The following PLPP3 variants were observed in gnomAD, a reference collection of about 807,000 sequenced individuals.
PLPP3 encodes the protein phospholipid phosphatase 3, also known as PAP2 beta.
PLPP3 carries 6 observed loss-of-function variants against 29.6 expected under a neutral mutation model. The observed-to-expected ratio is 0.20, with a 90% CI of 0.11 to 0.40. PLPP3 has a LOEUF of 0.40. PLPP3 is among the 10% of genes least tolerant of loss of function. PLPP3 has a pLI of 1.00. For synonymous variants in PLPP3, 152 were observed against 159.7 expected (o/e 0.95, Z 0.36); for missense variants, 308 against 407.7 (o/e 0.76, Z 2.11).
chr1:56,577,794 C>T (rs1199025450), intron 1 of PLPP3, among the ~76,000 whole-genome samples: 1 of 152,126 alleles, frequency 6.6e-6, no homozygotes, highest in African/African-American at 2.4e-5. Flanking sequence ...GCATCTACTT[C>T]AACCCACTCA....
intron 4 of PLPP3, among the ~76,000 whole-genome samples, chr1:56,515,057 G>C (rs1645771445): frequency 6.6e-6 from 1 of 152,110 alleles, no homozygotes; most frequent in African/African-American, 2.4e-5. Flanking sequence ...AGCTATTCTT[G>C]GCAGTGGACA....
At chr1:56,536,467 G>A (rs975435957) in intron 2 of PLPP3, among the ~76,000 whole-genome samples, 6 of 152,078 alleles carry the variant, frequency 3.9e-5, no homozygotes, top group African/African-American at 7.2e-5. Context: ...CCTGGTTTAC[G>A]ATGTTATTAA....
chr1:56,579,463 T>G lies in PLPP3; in HGVS notation c.-447A>C. The G allele has an allele frequency of 5.7e-6, 1 of 176,274 alleles. No homozygotes were observed. The highest frequency in any genetic ancestry group is 1.2e-5 in the Non-Finnish European group (1 of 84,714). The allele number at this position is 176,274 out of a possible 1,614,324, so 10.9% of individuals were successfully genotyped here. A position where few individuals can be genotyped will look rare whatever the true frequency, so the allele number is the denominator to read the frequency against. ...CGGAGCGCCAGCCCCAACTCTAACT[T>G]TGCCTCCTCCTCCTCCTCCTCCTCC... On this transcript the variant is annotated 5_prime_UTR_variant, in exon 1 of 6. Coordinates refer to ENST00000371250, the MANE Select transcript of PLPP3 (RefSeq NM_003713.5).
At chr1:56,543,728 T>C (rs1315416907) in intron 1 of PLPP3, among the ~76,000 whole-genome samples, 1 of 152,202 alleles carries the variant, frequency 6.6e-6, no homozygotes, top group East Asian at 1.9e-4. Context: ...CAGGCTGCCA[T>C]GAAAAACACT....
At chr1:56,538,674 T>C in intron 1 of PLPP3, 1 of 271,950 alleles carries the variant, frequency 3.7e-6, no homozygotes, top group Middle Eastern at 4.6e-4. Flanking sequence ...CCGTTGGTAC[T>C]GTTGTAAACA....
chr1:56,570,930 G>A (rs551834137), intron 1 of PLPP3, among the ~76,000 whole-genome samples: 31 of 152,226 alleles, frequency 2.0e-4, no homozygotes, highest in African/African-American at 7.2e-4. Context: ...TCAAAACACT[G>A]CCTAGTCCTT....
At chr1:56,554,260 G>C (rs1159710066) in intron 1 of PLPP3, among the ~76,000 whole-genome samples, 1 of 152,002 alleles carries the variant, frequency 6.6e-6, no homozygotes, top group African/African-American at 2.4e-5. Flanking sequence ...ATCTTGACGG[G>C]TTACTGTGAA....
chr1:56,557,087 A>C (rs1156293840), intron 1 of PLPP3, among the ~76,000 whole-genome samples: 3 of 139,064 alleles, frequency 2.2e-5, no homozygotes, highest in African/African-American at 7.9e-5. Context: ...AAAATGAGAG[A>C]GAGAGAAAGA....
intron 1 of PLPP3, among the ~76,000 whole-genome samples, chr1:56,539,421 C>T (rs1201326563): frequency 6.6e-6 from 1 of 152,190 alleles, no homozygotes; most frequent in Non-Finnish European, 1.5e-5. Flanking sequence ...TGTGCATACA[C>T]ACATGGATTT....
intron 1 of PLPP3, among the ~76,000 whole-genome samples, chr1:56,552,075 A>G (rs1451191226): frequency 6.6e-6 from 1 of 152,154 alleles, no homozygotes; most frequent in African/African-American, 2.4e-5. Context: ...CCATATTCCT[A>G]TGCACACTGG....
intron 1 of PLPP3, among the ~76,000 whole-genome samples, chr1:56,572,260 G>C (rs1438169158): frequency 6.6e-6 from 1 of 151,880 alleles, no homozygotes; most frequent in Non-Finnish European, 1.5e-5. Context: ...ATGTTGACCA[G>C]GCTAGTCTCG....
chr1:56,510,877 G>A (rs1235027183), intron 5 of PLPP3, among the ~76,000 whole-genome samples: 1 of 152,112 alleles, frequency 6.6e-6, no homozygotes, highest in South Asian at 2.1e-4. Flanking sequence ...GACACCCATC[G>A]ACAATTTCAA....
intron 1 of PLPP3, 64 bp downstream of exon 1, chr1:56,578,814 G>C: frequency 6.9e-6 from 10 of 1,455,936 alleles, no homozygotes; most frequent in Non-Finnish European, 9.0e-6. Context: ...GCCCCGGACT[G>C]GGCTGGGACG....
In PLPP3 at chr1:56,524,671, A is replaced by G; in HGVS notation, c.298-117T>C. On this transcript the variant is annotated intron_variant, in intron 2 of 5. Transcript: ENST00000371250. This position sits in a 1 kb window ranked among gnomAD's most constrained non-coding sequence, Gnocchi z 4.3. ...TCAGTATTTGCAAAGGAGTGTCCTA[A>G]TTTTCTATTTATGAAATATACAGAC... The G allele has an allele frequency of 8.6e-7, 1 of 1,167,520 alleles. No individual in the cohort carries two copies. Among genetic ancestry groups the G allele is most frequent in the Non-Finnish European group, 1.2e-6 (1 of 833,240 alleles). 72.3% of individuals were successfully genotyped at this position (1,167,520 alleles called of 1,614,324 possible).
In PLPP3 at chr1:56,503,083, G is replaced by GT. The variant is rs374851821; in HGVS notation, c.811-6408dup. On this transcript the variant is annotated intron_variant, in intron 5 of 5. Coordinates refer to ENST00000371250, the MANE Select transcript of PLPP3 (RefSeq NM_003713.5). ...TAAAGAAAAGCCATCTTTGGCAGCC[G>GT]TTTTTTTTTTAACTAGATGGGATTA... Among the ~76,000 whole-genome samples the GT allele has an allele frequency of 8.4e-3, 1,262 of 149,778 alleles. 15 individuals are homozygous for GT. The highest frequency in any genetic ancestry group is 0.026 in the African/African-American group (1,070 of 40,704).
intron 5 of PLPP3, among the ~76,000 whole-genome samples, chr1:56,503,155 G>A (rs1053431537): frequency 6.6e-6 from 1 of 151,952 alleles, no homozygotes; most frequent in African/African-American, 2.4e-5. Context: ...GGCTTTCAGC[G>A]GCTTTTGGCA....
At position 56,557,061 on chromosome 1, in the gene PLPP3, A is replaced by G. The variant is rs1444690026; in HGVS notation, c.140-19949T>C. Among the ~76,000 whole-genome samples the G allele has an allele frequency of 6.6e-4, 78 of 118,338 alleles. 7 individuals are homozygous for G. The highest frequency in any genetic ancestry group is 4.2e-3 in the Middle Eastern group (1 of 238). 77.6% of individuals were successfully genotyped at this position (118,338 alleles called of 152,430 possible). On this transcript the variant is annotated intron_variant, in intron 1 of 5. Transcript: ENST00000371250. Reference sequence around the variant, plus strand: ...GAGAGAGAGAGAGAGAGAGAGAGAAAGAAAGAAAGAAAGAAAAAATGAGAG... The same window carrying G: ...GAGAGAGAGAGAGAGAGAGAGAGAAGGAAAGAAAGAAAGAAAAAATGAGAG...
At chr1:56,529,796 T>C (rs887010891) in intron 2 of PLPP3, among the ~76,000 whole-genome samples, 6 of 152,150 alleles carry the variant, frequency 3.9e-5, no homozygotes, top group Admixed American at 2.0e-4. Flanking sequence ...GGAAAGGTAA[T>C]GAAGACATAG....
intron 1 of PLPP3, among the ~76,000 whole-genome samples, chr1:56,541,218 G>A (rs973305132): frequency 5.9e-5 from 9 of 152,004 alleles, no homozygotes; most frequent in African/African-American, 1.5e-4. Context: ...TAGAGTCCAC[G>A]GGCTAAGTAC....
Sources: gnomAD v4.1 joint callset for allele counts (sites outside exome capture counted in the v4.1 genomes callset) on GRCh38, gnomAD v4.1.1 for gene constraint, Gnocchi (gnomAD v3.1) non-coding constraint, MANE v1.5 for transcripts, NCBI Gene and HGNC (gene_info 2026-07-23, HGNC 2026-07-21) for gene names.